Variants in TMEM132B observed in about 807,000 individuals in gnomAD.
TMEM132B encodes the protein transmembrane protein 132B.
TMEM132B carries 18 observed loss-of-function variants against 90.8 expected under a neutral mutation model. The ratio of observed to expected loss-of-function variants is 0.20; its 90% CI spans 0.14 to 0.29. The LOEUF is 0.29. Ranked by LOEUF, TMEM132B falls within the 10% of genes least tolerant of loss-of-function variation. The pLI is 1.00. For missense variants in TMEM132B, 1,096 were observed against 1,326.8 expected (o/e 0.83, Z 2.70); for synonymous variants, 504 against 523.3 (o/e 0.96, Z 0.50).
intron 1 of TMEM132B, among the ~76,000 whole-genome samples, chr12:125,230,750 C>T (rs915896628): frequency 1.3e-5 from 2 of 151,838 alleles, no homozygotes; most frequent in East Asian, 1.9e-4. Context: ...ATGATCCGCC[C>T]GCCTCGGCCT....
intron 4 of TMEM132B, among the ~76,000 whole-genome samples, chr12:125,524,244 G>A (rs1293410383): frequency 6.6e-6 from 1 of 152,174 alleles, no homozygotes; most frequent in East Asian, 1.9e-4. Context: ...AACTATCAAA[G>A]CAAATATAAA....
intron 1 of TMEM132B, among the ~76,000 whole-genome samples, chr12:125,296,128 A>G (rs1875667802): frequency 6.6e-6 from 1 of 152,336 alleles, no homozygotes; most frequent in South Asian, 2.1e-4. Flanking sequence ...CTCAGAATCC[A>G]TAAGCACACC....
intron 1 of TMEM132B, among the ~76,000 whole-genome samples, chr12:125,273,390 C>A (rs1874899753): frequency 6.6e-6 from 1 of 152,026 alleles, no homozygotes; most frequent in African/African-American, 2.4e-5. Context: ...AGTTCAAGAC[C>A]AACCCGGGCA....
chr12:125,602,276 G>T (rs1486560944), intron 5 of TMEM132B, among the ~76,000 whole-genome samples: 2 of 152,096 alleles, frequency 1.3e-5, no homozygotes, highest in East Asian at 3.8e-4. Context: ...TGATCAAGTC[G>T]GCTTCATCCT....
At chr12:125,254,066 G>A (rs1197581624) in intron 1 of TMEM132B, among the ~76,000 whole-genome samples, 1 of 152,118 alleles carries the variant, frequency 6.6e-6, no homozygotes, top group Non-Finnish European at 1.5e-5. Flanking sequence ...GAGGCGGGAG[G>A]ATTACTTGAG....
chr12:125,422,094 T>TA (rs1248009415), intron 3 of TMEM132B, among the ~76,000 whole-genome samples: 4 of 152,238 alleles, frequency 2.6e-5, no homozygotes, highest in Admixed American at 2.0e-4. Flanking sequence ...TTATTTTATT[T>TA]AAAAAATCTA....
rs1309335586 is a variant in TMEM132B, at chr12:125,209,958, A to T, written c.67+23092A>T. ...CGCTTGGTCATTCATTCATTCATTCAACAGGTATTAATGCAATGGAGTCTC... is the reference window on the plus strand; with the variant it reads ...CGCTTGGTCATTCATTCATTCATTCTACAGGTATTAATGCAATGGAGTCTC... On this transcript the variant is annotated intron_variant, in intron 1 of 8. Coordinates refer to ENST00000682704, the MANE Select transcript of TMEM132B (RefSeq NM_001366854.1). The surrounding 1 kb of genome is among the most constrained non-coding windows in gnomAD (Gnocchi z 4.4). Among the ~76,000 whole-genome samples, 1 of 152,086 alleles carries T rather than the reference A, an allele frequency of 6.6e-6. No homozygotes were observed. The highest frequency in any genetic ancestry group is 1.5e-5 in the Non-Finnish European group (1 of 68,028).
chr12:125,381,798 C>T (rs1878692247), intron 2 of TMEM132B, among the ~76,000 whole-genome samples: 2 of 152,196 alleles, frequency 1.3e-5, no homozygotes, highest in African/African-American at 2.4e-5. Flanking sequence ...ATCAGGGTCC[C>T]TCCTGCTGGT....
At chr12:125,198,864 T>G (rs1467144731) in intron 1 of TMEM132B, among the ~76,000 whole-genome samples, 2 of 152,204 alleles carry the variant, frequency 1.3e-5, no homozygotes, top group Non-Finnish European at 2.9e-5. Flanking sequence ...GGCTGCCCTT[T>G]GAGCTGCTTC....
chr12:125,532,880 T>C (rs1883682978), intron 4 of TMEM132B, among the ~76,000 whole-genome samples: 2 of 152,290 alleles, frequency 1.3e-5, no homozygotes, highest in Middle Eastern at 3.4e-3. Context: ...GACAGCGAAC[T>C]AGATTATGTA....
At chr12:125,542,262 G>A (rs1883978875) in intron 4 of TMEM132B, among the ~76,000 whole-genome samples, 1 of 152,126 alleles carries the variant, frequency 6.6e-6, no homozygotes, top group Non-Finnish European at 1.5e-5. Context: ...AGTCTGCTAG[G>A]GTAGAGGTCA....
At position 125,246,613 on chromosome 12, in the gene TMEM132B, C is replaced by T. The variant is rs1024611750; in HGVS notation, c.67+59747C>T. 6.6e-6 allele frequency among the ~76,000 whole-genome samples: 1 copy of T among 152,256 alleles called. No homozygotes were observed. The highest frequency in any genetic ancestry group is 6.5e-5 in the Admixed American group (1 of 15,292). ...GGACAAGTTCAGCGTCTCCAGCACA[C>T]ACAGTGCCATTTAAAGAGGAAGCCC... is the stretch of plus-strand genomic sequence containing the variant. On this transcript the variant is annotated intron_variant, in intron 1 of 8. Transcript: ENST00000682704. This position sits in a 1 kb window ranked among gnomAD's most constrained non-coding sequence, Gnocchi z 4.2.
intron 3 of TMEM132B, among the ~76,000 whole-genome samples, chr12:125,451,950 A>G (rs757328501): frequency 1.2e-4 from 19 of 152,178 alleles, no homozygotes; most frequent in Admixed American, 6.5e-4. Flanking sequence ...GGGGTTCCCA[A>G]ACAAATTAAA....
intron 2 of TMEM132B, among the ~76,000 whole-genome samples, chr12:125,376,219 T>C (rs751904892): frequency 2.6e-5 from 4 of 152,232 alleles, no homozygotes; most frequent in Non-Finnish European, 4.4e-5. Flanking sequence ...TTCAATAACA[T>C]TGTTTTTTTC....
intron 1 of TMEM132B, among the ~76,000 whole-genome samples, chr12:125,240,567 C>T (rs141035718): frequency 3.6e-4 from 55 of 152,102 alleles, no homozygotes; most frequent in African/African-American, 1.3e-3. Flanking sequence ...GGAATGAGTC[C>T]CAGATACCCC....
intron 1 of TMEM132B, among the ~76,000 whole-genome samples, chr12:125,219,185 T>C (rs1053919277): frequency 6.6e-6 from 1 of 151,972 alleles, no homozygotes; most frequent in African/African-American, 2.4e-5. Flanking sequence ...GATGGCGAGG[T>C]TTCTGGTGGC....
At chr12:125,527,173 C>T (rs1359746060) in intron 4 of TMEM132B, among the ~76,000 whole-genome samples, 2 of 132,382 alleles carry the variant, frequency 1.5e-5, no homozygotes, top group African/African-American at 5.8e-5. Context: ...CACCCATCCA[C>T]CCTTCCATCC....
chr12:125,339,618 G>A (rs974224357), intron 1 of TMEM132B, among the ~76,000 whole-genome samples: 2 of 152,118 alleles, frequency 1.3e-5, no homozygotes, highest in African/African-American at 4.8e-5. Context: ...TGCTCTCTAA[G>A]GACAATTAAC....
At chr12:125,195,980 G>A (rs1267272329) in intron 1 of TMEM132B, among the ~76,000 whole-genome samples, 1 of 152,176 alleles carries the variant, frequency 6.6e-6, no homozygotes, top group Admixed American at 6.5e-5. Context: ...TCTTTGGTTA[G>A]AACTTTGAGT....
Sources: gnomAD v4.1 joint callset for allele counts (sites outside exome capture counted in the v4.1 genomes callset) on GRCh38, gnomAD v4.1.1 for gene constraint, Gnocchi (gnomAD v3.1) non-coding constraint, MANE v1.5 for transcripts, NCBI Gene and HGNC (gene_info 2026-07-23, HGNC 2026-07-21) for gene names.